FAF1: variants seen among roughly 807,000 people sequenced by gnomAD.
The protein encoded by FAF1 is Fas associated factor 1, also known as FAS-associated factor 1.
A neutral mutation model predicts 92.5 loss-of-function variants in FAF1; 25 were observed. The observed-to-expected ratio is 0.27, with a 90% CI of 0.20 to 0.38. The LOEUF (loss-of-function observed/expected upper bound fraction) is 0.38, where lower values mean the gene tolerates loss of function less well. Ranked by LOEUF, FAF1 falls within the 10% of genes least tolerant of loss-of-function variation. The pLI is 1.00. For missense variants in FAF1, 636 were observed against 793.3 expected (o/e 0.80, Z 2.38); for synonymous variants, 234 against 273.2 (o/e 0.86, Z 1.42).
At chr1:50,455,076 C>T (rs150178110) in intron 18 of FAF1, among the ~76,000 whole-genome samples, 224 of 152,306 alleles carry the variant, frequency 1.5e-3, no homozygotes, top group African/African-American at 4.5e-3. Context: ...AGGCAGACTC[C>T]GTTGGTGATA....
At chr1:50,729,058 A>ATATATATT (rs1375923156) in intron 6 of FAF1, among the ~76,000 whole-genome samples, 39 of 70,106 alleles carry the variant, frequency 5.6e-4, no homozygotes, top group South Asian at 1.7e-3. Context: ...ATATATATAT[A>ATATATATT]TTTTTTTTTT....
intron 6 of FAF1, among the ~76,000 whole-genome samples, chr1:50,728,926 C>A (rs1486280064): frequency 6.7e-6 from 1 of 149,430 alleles, no homozygotes; most frequent in African/African-American, 2.4e-5. Context: ...GGGGAAGATG[C>A]TGTTTGAAGA....
intron 1 of FAF1, among the ~76,000 whole-genome samples, chr1:50,899,867 T>TC (rs983344497): frequency 1.3e-5 from 2 of 152,160 alleles, no homozygotes; most frequent in Non-Finnish European, 2.9e-5. Context: ...AGGGCTATTT[T>TC]CCCCCCTACT....
chr1:50,746,286 ATATATATTTTTTTTTTT>A (rs1267997275), intron 4 of FAF1, among the ~76,000 whole-genome samples: 1 of 17,894 alleles, frequency 5.6e-5, no homozygotes, highest in South Asian at 3.8e-3. Context: ...ATATATATAT[ATATATATTTTTTTTTTT>A]TTTTTTTTTT....
At chr1:50,673,053 T>A (rs1232521803) in intron 7 of FAF1, among the ~76,000 whole-genome samples, 1 of 151,990 alleles carries the variant, frequency 6.6e-6, no homozygotes, top group Non-Finnish European at 1.5e-5. Flanking sequence ...AGGTCCAGAG[T>A]TCGAGACCAG....
At chr1:50,929,560 T>C (rs1209289814) in intron 1 of FAF1, among the ~76,000 whole-genome samples, 1 of 152,240 alleles carries the variant, frequency 6.6e-6, no homozygotes, top group Non-Finnish European at 1.5e-5. Flanking sequence ...GCTTACATTA[T>C]CTTTTCTATC....
intron 1 of FAF1, among the ~76,000 whole-genome samples, chr1:50,899,325 A>G (rs773674785): frequency 3.4e-4 from 52 of 152,238 alleles, no homozygotes; most frequent in African/African-American, 9.9e-4. Flanking sequence ...TCTATCATCT[A>G]TATCATTTCT....
At chr1:50,534,322 C>T (rs1367820803) in intron 15 of FAF1, among the ~76,000 whole-genome samples, 1 of 152,082 alleles carries the variant, frequency 6.6e-6, no homozygotes, top group East Asian at 1.9e-4. Context: ...ACTCTGTCAC[C>T]CAGGCTGGAG....
At chr1:50,840,730 C>A (rs1644249085) in intron 2 of FAF1, among the ~76,000 whole-genome samples, 1 of 151,954 alleles carries the variant, frequency 6.6e-6, no homozygotes, top group Non-Finnish European at 1.5e-5. Context: ...CAATTGATAT[C>A]AAATTTGACT....
At chr1:50,866,324 T>G (rs1644481414) in intron 1 of FAF1, among the ~76,000 whole-genome samples, 1 of 152,086 alleles carries the variant, frequency 6.6e-6, no homozygotes, top group Non-Finnish European at 1.5e-5. Flanking sequence ...AACATAGTAC[T>G]GGAAGTCCTA....
At chr1:50,924,562 CTTAAG>C (rs1300013114) in intron 1 of FAF1, among the ~76,000 whole-genome samples, 5 of 152,098 alleles carry the variant, frequency 3.3e-5, no homozygotes, top group Admixed American at 6.6e-5. Context: ...AAAAGCAATC[CTTAAG>C]TTCATATAGA....
At chr1:50,880,384 GC>G (rs1570092966) in intron 1 of FAF1, among the ~76,000 whole-genome samples, 1 of 152,190 alleles carries the variant, frequency 6.6e-6, no homozygotes, top group East Asian at 1.9e-4. Context: ...GCATGTTTAT[GC>G]CCCTCCTCAA....
At chr1:50,813,088 G>T (rs1310774814) in intron 2 of FAF1, among the ~76,000 whole-genome samples, 1 of 152,092 alleles carries the variant, frequency 6.6e-6, no homozygotes, top group Non-Finnish European at 1.5e-5. Flanking sequence ...TGGGAGGAAG[G>T]TGAGGACAGA....
chr1:50,713,714 C>CA (rs1367854185), intron 6 of FAF1, among the ~76,000 whole-genome samples: 4 of 151,580 alleles, frequency 2.6e-5, no homozygotes, highest in African/African-American at 9.7e-5. Flanking sequence ...CCTCCTGCTG[C>CA]AGCCTCCTGA....
At chr1:50,801,714 CAGATAAATG>C (rs1661997378) in intron 2 of FAF1, 37 bp from the exon 3 acceptor site, 1 of 1,255,768 alleles carries the variant, frequency 8.0e-7, no homozygotes, top group Admixed American at 1.7e-5. Context: ...TTTAAAGAAA[CAGATAAATG>C]CCCAAGTGTG....
At chr1:50,458,998 G>A (rs1646391634) in intron 18 of FAF1, among the ~76,000 whole-genome samples, 1 of 149,060 alleles carries the variant, frequency 6.7e-6, no homozygotes, top group Non-Finnish European at 1.5e-5. Context: ...TTGAGACAGA[G>A]TCTTGTTCTG....
At chr1:50,605,057 A>C (rs2124115093) in intron 8 of FAF1, among the ~76,000 whole-genome samples, 1 of 152,232 alleles carries the variant, frequency 6.6e-6, no homozygotes, top group South Asian at 2.1e-4. Context: ...ATGCTTCCTT[A>C]TACTGTCCCA....
At chr1:50,874,120 T>C (rs915188991) in intron 1 of FAF1, among the ~76,000 whole-genome samples, 1 of 152,144 alleles carries the variant, frequency 6.6e-6, no homozygotes, top group Non-Finnish European at 1.5e-5. Flanking sequence ...TACCTGACAA[T>C]TGTCTATTTT....
intron 7 of FAF1, among the ~76,000 whole-genome samples, chr1:50,665,208 T>C (rs1009766171): frequency 6.6e-6 from 1 of 152,218 alleles, no homozygotes; most frequent in Admixed American, 6.5e-5. Flanking sequence ...CACCATTTTG[T>C]GAAATTCAAT....
Sources: allele counts gnomAD v4.1 joint callset (sites outside exome capture counted in the v4.1 genomes callset), GRCh38; gene constraint gnomAD v4.1.1; transcripts MANE v1.5; gene names NCBI Gene and HGNC (gene_info 2026-07-23, HGNC 2026-07-21).